PCP4L1: variants seen among roughly 807,000 people sequenced by gnomAD.
The protein encoded by PCP4L1 is Purkinje cell protein 4 like 1.
PCP4L1 carries 9 observed loss-of-function variants against 9.6 expected under a neutral mutation model. The observed-to-expected ratio is 0.94, with a 90% CI of 0.57 to 1.64. The LOEUF (loss-of-function observed/expected upper bound fraction) is 1.64. PCP4L1 is among the 40% of genes most tolerant of loss of function. The pLI is 0.00. For synonymous variants in PCP4L1, 31 were observed against 28.2 expected, an observed-to-expected ratio of 1.10 and a Z score of -0.31; for missense variants, 81 against 80.8, an observed-to-expected ratio of 1.00 and a Z score of -0.01.
chr1:161,268,875 C>T (rs1243664302), intron 1 of PCP4L1, among the ~76,000 whole-genome samples: 1 of 152,128 alleles, frequency 6.6e-6, no homozygotes, highest in Non-Finnish European at 1.5e-5. Flanking sequence ...TAGATATTAT[C>T]TCTCTTCTGC....
At chr1:161,259,583 C>A (rs968976329) in intron 1 of PCP4L1, among the ~76,000 whole-genome samples, 9 of 152,198 alleles carry the variant, frequency 5.9e-5, no homozygotes, top group Non-Finnish European at 7.3e-5. Context: ...GTGCTTGTTA[C>A]AAACTAGGTC....
chr1:161,272,161 T>C lies in PCP4L1; in HGVS notation c.10-11507T>C, dbSNP rs924101701. ...GAGTGATATTTTGATACATATAACTTATAGTGATCAGATTGGGGTAATCCC... is the reference window on the plus strand; with the variant it reads ...GAGTGATATTTTGATACATATAACTCATAGTGATCAGATTGGGGTAATCCC... On this transcript the variant is annotated intron_variant, in intron 1 of 2. Transcript: ENST00000504449. 4.7e-5 allele frequency among the ~76,000 whole-genome samples: 7 copies of C among 149,648 alleles called. No individual in the cohort carries two copies. The Admixed American group carries it at 4.7e-4, about 10-fold the overall frequency.
Position 161,258,991 on chromosome 1 carries a change from G to T in PCP4L1, c.9+8G>T, listed in dbSNP as rs748123003. 35 of 1,532,140 alleles carry T rather than the reference G, an allele frequency of 2.3e-5. No individual in the cohort carries two copies. The Middle Eastern group carries it at 2.1e-3, about 90-fold the overall frequency. 94.9% of individuals were successfully genotyped at this position (1,532,140 alleles called of 1,614,324 possible). On this transcript the variant is annotated splice_region_variant and intron_variant, in intron 1 of 2. Coordinates refer to ENST00000504449, the MANE Select transcript of PCP4L1 (RefSeq NM_001102566.2). Reference sequence around the variant, plus strand: ...GCTGCGGAGATGAGCGAGGTGAGCGGTGCGGCCCCCGGCGCTGTCGGCAGG... The same window carrying T: ...GCTGCGGAGATGAGCGAGGTGAGCGTTGCGGCCCCCGGCGCTGTCGGCAGG...
chr1:161,284,437 A>G lies in PCP4L1; in HGVS notation c.163A>G (p.Lys55Glu). Residue 55 changes from lysine to glutamate, a missense_variant, in exon 3 of 3, where the codon AAG becomes GAG. Lys to Glu is a moderately conservative substitution (Grantham distance 56). Transcript: ENST00000504449. ...TEKAALAIQG[K>E]FRRFQKRKKD... is the part of the protein sequence containing the mutation. The stretch of plus-strand genomic sequence containing the variant: ...GAAGGCTGCCCTTGCTATTCAGGGC[A>G]AGTTCCGGCGATTTCAGAAAAGGAA... The G allele has an allele frequency of 6.2e-7, 1 of 1,614,024 alleles. No homozygotes were observed. Among genetic ancestry groups the G allele is most frequent in the South Asian group, 1.1e-5 (1 of 91,088 alleles).
At chr1:161,281,882 C>T (rs1421898629) in intron 1 of PCP4L1, among the ~76,000 whole-genome samples, 2 of 148,902 alleles carry the variant, frequency 1.3e-5, no homozygotes, top group Admixed American at 1.3e-4. Context: ...CGGGCAGAGA[C>T]GCTCCTCACT....
At chr1:161,271,978 T>G (rs1455130355) in intron 1 of PCP4L1, among the ~76,000 whole-genome samples, 1 of 137,464 alleles carries the variant, frequency 7.3e-6, no homozygotes, top group Non-Finnish European at 1.6e-5. Context: ...TGGACTAACC[T>G]TTTTTTTTTT....
intron 1 of PCP4L1, among the ~76,000 whole-genome samples, chr1:161,281,466 A>C (rs375230945): frequency 7.5e-6 from 1 of 134,006 alleles, no homozygotes; most frequent in African/African-American, 2.7e-5. Context: ...GGCCAGGCGG[A>C]GGCGCCCCCC....
intron 1 of PCP4L1, among the ~76,000 whole-genome samples, chr1:161,270,250 T>A (rs1385824040): frequency 2.0e-5 from 3 of 152,060 alleles, no homozygotes; most frequent in Non-Finnish European, 4.4e-5. Flanking sequence ...TGAGCTGAGA[T>A]CATGCCACTG....
rs146674973 is a variant in PCP4L1, at chr1:161,276,091, G to A, written c.10-7577G>A. 2.0e-4 allele frequency among the ~76,000 whole-genome samples: 31 copies of A among 152,204 alleles called. 1 individual carries two copies. Among genetic ancestry groups the A allele is most frequent in the Admixed American group, 1.0e-3 (16 of 15,288 alleles). The stretch of plus-strand genomic sequence containing the variant: ...ATTACAGGTGTGAGCCACTGTGCCC[G>A]GCCAGGTCATATTTTTACAGTGTGG... On this transcript the variant is annotated intron_variant, in intron 1 of 2. Transcript: ENST00000504449.
intron 1 of PCP4L1, among the ~76,000 whole-genome samples, chr1:161,283,238 C>T (rs1669853229): frequency 6.6e-6 from 1 of 152,218 alleles, no homozygotes; most frequent in Non-Finnish European, 1.5e-5. Flanking sequence ...TCCTCATCTC[C>T]TTCAGCTATT....
chr1:161,279,471 A>G (rs116339404), intron 1 of PCP4L1, among the ~76,000 whole-genome samples: 3,001 of 152,322 alleles, frequency 0.02, 97 homozygotes, highest in African/African-American at 0.068. Context: ...TAAGTGCTTG[A>G]TAAGTATTTA....
rs556576570 is a variant in PCP4L1 at position 161,264,668 on chromosome 1, A to C, written c.9+5685A>C. ...ACATGACAAAACCCTGTCTCTACTA[A>C]AAATTAAAAAATTAGCTGGGCATGG... On this transcript the variant is annotated intron_variant, in intron 1 of 2. Transcript: ENST00000504449. 8.8e-4 allele frequency among the ~76,000 whole-genome samples: 134 copies of C among 152,232 alleles called. 1 individual carries two copies. The highest frequency in any genetic ancestry group is 3.1e-3 in the African/African-American group (130 of 41,548).
intron 1 of PCP4L1, among the ~76,000 whole-genome samples, chr1:161,260,292 C>T (rs577858469): frequency 6.6e-5 from 10 of 152,264 alleles, no homozygotes; most frequent in Middle Eastern, 3.4e-3. Flanking sequence ...CTGGAAAATT[C>T]GGCTAGTCTG....
intron 1 of PCP4L1, among the ~76,000 whole-genome samples, chr1:161,273,134 G>A (rs562522546): frequency 1.3e-5 from 2 of 152,252 alleles, no homozygotes; most frequent in South Asian, 4.1e-4. Context: ...ATGGGGAATT[G>A]GCAGTATCAC....
intron 1 of PCP4L1, among the ~76,000 whole-genome samples, chr1:161,273,975 G>A (rs1669663655): frequency 6.6e-6 from 1 of 152,222 alleles, no homozygotes; most frequent in Non-Finnish European, 1.5e-5. Context: ...GAGCCAGACT[G>A]CCTGGGTTCA....
At chr1:161,281,036 G>A (rs1391639461) in intron 1 of PCP4L1, among the ~76,000 whole-genome samples, 2 of 152,052 alleles carry the variant, frequency 1.3e-5, no homozygotes, top group African/African-American at 2.4e-5. Context: ...AGGGAGTGGT[G>A]ATGACTCTTA....
At chr1:161,270,826 A>C (rs1256426150) in intron 1 of PCP4L1, among the ~76,000 whole-genome samples, 1 of 150,078 alleles carries the variant, frequency 6.7e-6, no homozygotes, top group Non-Finnish European at 1.5e-5. Context: ...AGTGAGCTGA[A>C]ATCGTGCCAC....
chr1:161,263,903 T>A (rs1300831521), intron 1 of PCP4L1, among the ~76,000 whole-genome samples: 1 of 54,590 alleles, frequency 1.8e-5, no homozygotes, highest in East Asian at 4.0e-4. Flanking sequence ...TCTTTCCTTT[T>A]TTTTTTTTTT....
chr1:161,273,312 G>A (rs1356585691), intron 1 of PCP4L1, among the ~76,000 whole-genome samples: 1 of 152,168 alleles, frequency 6.6e-6, no homozygotes, highest in Non-Finnish European at 1.5e-5. Context: ...GGTATCTATT[G>A]AGAAGTGAGA....
Sources: gnomAD v4.1 joint callset for allele counts (sites outside exome capture counted in the v4.1 genomes callset) on GRCh38, gnomAD v4.1.1 for gene constraint, MANE v1.5 for transcripts, NCBI Gene and HGNC (gene_info 2026-07-23, HGNC 2026-07-21) for gene names.